The following ACCS variants were observed in gnomAD, a reference collection of about 807,000 sequenced individuals.
ACCS encodes the protein 1-aminocyclopropane-1-carboxylate synthase homolog (inactive).
ACCS carries 42 observed loss-of-function variants against 59.8 expected under a neutral mutation model. The ratio of observed to expected loss-of-function variants is 0.70; its 90% CI spans 0.55 to 0.91. ACCS has a LOEUF of 0.91. Ranked by LOEUF, ACCS falls within the 40% of genes least tolerant of loss-of-function variation. The pLI is 0.00. For missense variants in ACCS, 602 were observed against 630.4 expected (o/e 0.95, Z 0.48); for synonymous variants, 230 against 240.3 (o/e 0.96, Z 0.40).
rs1391315948 is a variant in ACCS, at chr11:44,066,693, G to C, written c.-9G>C. On this transcript the variant is annotated 5_prime_UTR_variant, in exon 1 of 15. Coordinates refer to ENST00000263776, the MANE Select transcript of ACCS (RefSeq NM_032592.4). ...CTTCCTCGGACCTGGGCTGTCGGGA[G>C]AGCTGGAGGTGAGCGCTCTTGGGAG... is the stretch of plus-strand genomic sequence containing the variant. 1 of 152,322 alleles carries C rather than the reference G, an allele frequency of 6.6e-6. No homozygotes were observed. The highest frequency in any genetic ancestry group is 1.5e-5 in the Non-Finnish European group (1 of 68,120). The allele number at this position is 152,322 out of a possible 1,614,324, so 9.4% of individuals were successfully genotyped here. A position where few individuals can be genotyped will look rare whatever the true frequency, so the allele number is the denominator to read the frequency against.
chr11:44,076,832 C>T (rs950469075), intron 6 of ACCS, among the ~76,000 whole-genome samples: 4 of 152,234 alleles, frequency 2.6e-5, no homozygotes, highest in Non-Finnish European at 5.9e-5. Flanking sequence ...TTCCACATGG[C>T]TGGGGAGGCC....
At chr11:44,081,126 A>G (rs937124426) in intron 11 of ACCS, 53 bp from the exon 12 acceptor site, 16 of 1,613,886 alleles carry the variant, frequency 9.9e-6, no homozygotes, top group African/African-American at 1.3e-5. Flanking sequence ...GGTGGGTGGA[A>G]CCAGCTTCCT....
rs1032892603 is a variant in ACCS, at chr11:44,083,726, CA to C, written c.1443del (p.Lys481AsnfsTer47). On this transcript the variant is annotated frameshift_variant, in exon 15 of 15. Coordinates refer to ENST00000263776, the MANE Select transcript of ACCS (RefSeq NM_032592.4). LOFTEE classifies it low-confidence loss of function (END_TRUNC). The part of the protein sequence containing the change: ...MQRVQQVLAG[K>X]SQVAEDPRPS... Reference sequence around the variant, plus strand: ...AGAGGGTCCAGCAGGTGCTTGCAGGCAAATCCCAAGTGGCAGAAGACCCCCG... The same window carrying C: ...AGAGGGTCCAGCAGGTGCTTGCAGGCAATCCCAAGTGGCAGAAGACCCCCG... 6.2e-7 allele frequency: 1 copy of C among 1,613,998 alleles called. No individual in the cohort carries two copies. The highest frequency in any genetic ancestry group is 1.3e-5 in the African/African-American group (1 of 74,934).
chr11:44,082,128 T>G (rs765551364), intron 12 of ACCS: 1 of 152,172 alleles, frequency 6.6e-6, no homozygotes, highest in Admixed American at 6.6e-5. Flanking sequence ...TTAAAAATAG[T>G]GACAACATCA....
intron 2 of ACCS, among the ~76,000 whole-genome samples, chr11:44,069,747 A>G (rs1041618295): frequency 3.9e-5 from 6 of 152,198 alleles, no homozygotes; most frequent in Admixed American, 2.0e-4. Context: ...CTCTCAGGGC[A>G]AGTGATTCAA....
intron 5 of ACCS, 53 bp downstream of exon 5, chr11:44,074,734 C>CTCTTTCTTTCCTTCTTTCTTTCTTTCTT: frequency 1.8e-6 from 1 of 546,676 alleles, no homozygotes; most frequent in South Asian, 4.7e-5. Context: ...CCCTCTCCAT[C>CTCTTTCTTTCCTTCTTTCTTTCTTTCTT]TCTTTCTTTC....
At chr11:44,077,602 A>G in intron 7 of ACCS, 1 of 1,436,116 alleles carries the variant, frequency 7.0e-7, no homozygotes, top group Non-Finnish European at 9.1e-7. Flanking sequence ...CCAGACCCAG[A>G]AACAGCAAGG....
rs1590472408 is a variant in ACCS, at chr11:44,073,443, C to G, written c.349-4C>G. 1 of 1,605,956 alleles carries G rather than the reference C, an allele frequency of 6.2e-7. No homozygotes were observed. The highest frequency in any genetic ancestry group is 2.2e-5 in the East Asian group (1 of 44,594). ...CAGCCGTGCTCTTCCCTCTCTGTCC[C>G]CAGCTGAGTCAGCGCGACATGCAGA... is the stretch of plus-strand genomic sequence containing the variant. On this transcript the variant is annotated splice_polypyrimidine_tract_variant and splice_region_variant and intron_variant, in intron 3 of 14. Transcript: ENST00000263776.
intron 12 of ACCS, chr11:44,082,189 GAGTGTAAGT>G (rs5791605): frequency 0.26 from 39,767 of 151,920 alleles, 5,445 homozygotes; most frequent in East Asian, 0.35. Flanking sequence ...CTGCTGGTAG[GAGTGTAAGT>G]AGTTCAGCCA....
At chr11:44,074,743 T>C (rs540571887) in intron 5 of ACCS, 62 bp downstream of exon 5, 29 of 265,042 alleles carry the variant, frequency 1.1e-4, no homozygotes, top group East Asian at 2.9e-4. Flanking sequence ...TCTCTTTCTT[T>C]CTTTCTTTCT....
chr11:44,082,976 T>C (rs1471653665), intron 12 of ACCS, among the ~76,000 whole-genome samples, 193 bp from the exon 13 acceptor site: 1 of 152,062 alleles, frequency 6.6e-6, no homozygotes, highest in Non-Finnish European at 1.5e-5. Context: ...TTAAGGTGCT[T>C]TACATTGAAC....
At chr11:44,067,479 A>G in intron 1 of ACCS, 149 bp from the exon 2 acceptor site, 1 of 819,168 alleles carries the variant, frequency 1.2e-6, no homozygotes, top group Non-Finnish European at 1.9e-6. Context: ...ACATATGGTT[A>G]CAGCTAAGGG....
At chr11:44,068,839 A>G (rs1952911607) in intron 2 of ACCS, among the ~76,000 whole-genome samples, 1 of 152,258 alleles carries the variant, frequency 6.6e-6, no homozygotes. Context: ...TTGAGCATCT[A>G]CCATGTAGAT....
At chr11:44,081,846 A>G (rs910246680) in intron 12 of ACCS, among the ~76,000 whole-genome samples, 5 of 152,194 alleles carry the variant, frequency 3.3e-5, no homozygotes, top group African/African-American at 9.7e-5. Context: ...AACAACAACA[A>G]AAAACAGCAG....
In ACCS at chr11:44,074,617, G is replaced by A. The variant is rs369870597; in HGVS notation, c.425G>A (p.Arg142Gln). 27 of 1,613,458 alleles carry A rather than the reference G, an allele frequency of 1.7e-5. No individual in the cohort carries two copies. The highest frequency in any genetic ancestry group is 1.6e-4 in the East Asian group (7 of 44,826). The change falls in exon 5 of 15, where the codon CGG (arginine) becomes CAG (glutamine). Residue 142 changes from arginine (R) to glutamine (Q), a missense_variant. By Grantham distance (43) the Arg-to-Gln change is conservative (BLOSUM62 1). Transcript: ENST00000263776. ...TCTTTTTGTCTTATCTTCAGCCTCCGGGAGGAAGTGGCCAAGTTCCTGTCT... is the reference window on the plus strand; with the variant it reads ...TCTTTTTGTCTTATCTTCAGCCTCCAGGAGGAAGTGGCCAAGTTCCTGTCT... ...YADWRGHLFL[R>Q]EEVAKFLSFY...
At chr11:44,076,949 G>C (rs922476390) in intron 6 of ACCS, among the ~76,000 whole-genome samples, 1 of 152,166 alleles carries the variant, frequency 6.6e-6, no homozygotes, top group African/African-American at 2.4e-5. Flanking sequence ...ATCAGATCTC[G>C]TGAGACTTAA....
chr11:44,070,559 C>G (rs945433311), intron 2 of ACCS, among the ~76,000 whole-genome samples: 4 of 152,146 alleles, frequency 2.6e-5, no homozygotes, highest in African/African-American at 9.7e-5. Flanking sequence ...TGCAGTAACT[C>G]AGGGGTCAGC....
chr11:44,077,483 A>T, intron 7 of ACCS, 107 bp downstream of exon 7: 1 of 1,548,696 alleles, frequency 6.5e-7, no homozygotes, highest in Non-Finnish European at 8.7e-7. Context: ...GGTTGTGATG[A>T]GTAGGGAATG....
intron 3 of ACCS, chr11:44,072,405 C>G (rs1407632161): frequency 6.6e-6 from 1 of 152,086 alleles, no homozygotes; most frequent in African/African-American, 2.4e-5. Flanking sequence ...ATTCGCCCGC[C>G]TTGGCCTCCC....
Sources: gnomAD v4.1 joint callset for allele counts (sites outside exome capture counted in the v4.1 genomes callset) on GRCh38, gnomAD v4.1.1 for gene constraint, MANE v1.5 for transcripts, NCBI Gene and HGNC (gene_info 2026-07-23, HGNC 2026-07-21) for gene names.